USP7: variants seen among roughly 807,000 people sequenced by gnomAD.
The protein encoded by USP7 is ubiquitin C-terminal hydrolase 7.
USP7 carries 9 observed loss-of-function variants against 162.9 expected under a neutral mutation model. The ratio of observed to expected loss-of-function variants is 0.06; its 90% CI spans 0.03 to 0.10. USP7 has a LOEUF of 0.10. Ranked by LOEUF, USP7 falls within the 10% of genes least tolerant of loss-of-function variation. The probability of loss-of-function intolerance (pLI) is 1.00; values close to 1 mark genes in which losing one functional copy is unlikely to be tolerated. For synonymous variants in USP7, 562 were observed against 475.9 expected (o/e 1.18, Z -2.35); for missense variants, 715 against 1,373.7 (o/e 0.52, Z 7.58).
At chr16:8,915,423 T>C in intron 9 of USP7, 22 bp downstream of exon 9, 1 of 1,613,768 alleles carries the variant, frequency 6.2e-7, no homozygotes, top group South Asian at 1.1e-5. Flanking sequence ...AAAATCATCT[T>C]TTAGAACTGG....
At chr16:8,908,615 G>T (rs2061896239) in intron 11 of USP7, among the ~76,000 whole-genome samples, 165 bp from the exon 12 acceptor site, 2 of 152,166 alleles carry the variant, frequency 1.3e-5, no homozygotes, top group African/African-American at 4.8e-5. Flanking sequence ...GTTTTCTTTA[G>T]GTCTGTTTAT....
At chr16:8,958,641 A>G (rs1008283766) in intron 1 of USP7, among the ~76,000 whole-genome samples, 1 of 152,050 alleles carries the variant, frequency 6.6e-6, no homozygotes, top group African/African-American at 2.4e-5. Context: ...CCGACTCCCA[A>G]CGTCTGGACA....
intron 1 of USP7, among the ~76,000 whole-genome samples, chr16:8,930,657 C>T (rs953161259): frequency 6.6e-6 from 1 of 152,140 alleles, no homozygotes; most frequent in Non-Finnish European, 1.5e-5. Flanking sequence ...ATATTCTGCA[C>T]AAAACTTTTT....
At chr16:8,895,842 T>A (rs928528038) in intron 26 of USP7, 101 bp from the exon 27 acceptor site, 2 of 257,266 alleles carry the variant, frequency 7.8e-6, no homozygotes, top group East Asian at 2.1e-4. Flanking sequence ...ACGATATGTT[T>A]TTTTTTTTTT....
In USP7 at chr16:8,893,344, C is replaced by T. The variant is rs1168429200; in HGVS notation, c.*654G>A. ...TGTTCTTGATTTAATAAAAAGACCCCCACAATGTCTGTCCGGACTGTATTC... is the reference window on the plus strand; with the variant it reads ...TGTTCTTGATTTAATAAAAAGACCCTCACAATGTCTGTCCGGACTGTATTC... On this transcript the variant is annotated 3_prime_UTR_variant, in exon 31 of 31. Transcript: ENST00000344836. 2 of 152,176 alleles carry T rather than the reference C, an allele frequency of 1.3e-5. No individual in the cohort carries two copies. Among genetic ancestry groups the T allele is most frequent in the Non-Finnish European group, 2.9e-5 (2 of 68,054 alleles). 9.4% of individuals were successfully genotyped at this position (152,176 alleles called of 1,614,324 possible). A position where few individuals can be genotyped will look rare whatever the true frequency, so the allele number is the denominator to read the frequency against.
chr16:8,931,264 C>T (rs1898318676), intron 1 of USP7, among the ~76,000 whole-genome samples: 1 of 151,880 alleles, frequency 6.6e-6, no homozygotes, highest in Admixed American at 6.6e-5. Flanking sequence ...TCTCAGCTCA[C>T]TGCTACCTCT....
chr16:8,899,087 C>G (rs1449617395), intron 23 of USP7, 34 bp downstream of exon 23: 1 of 1,609,672 alleles, frequency 6.2e-7, no homozygotes, highest in East Asian at 2.2e-5. Context: ...AGCATGCAGT[C>G]AAGACCAAGC....
At chr16:8,932,664 C>T (rs2141234766) in intron 1 of USP7, among the ~76,000 whole-genome samples, 1 of 152,138 alleles carries the variant, frequency 6.6e-6, no homozygotes, top group South Asian at 2.1e-4. Flanking sequence ...GTCTTTCATC[C>T]ACATTCATTT....
chr16:8,941,892 G>A (rs1366223541), intron 1 of USP7, among the ~76,000 whole-genome samples: 1 of 152,240 alleles, frequency 6.6e-6, no homozygotes, highest in Non-Finnish European at 1.5e-5. Flanking sequence ...TCACTAGGAA[G>A]TGGGAGGCAA....
chr16:8,936,879 C>T (rs983808058), intron 1 of USP7: 4 of 619,186 alleles, frequency 6.5e-6, no homozygotes, highest in Non-Finnish European at 8.9e-6. Flanking sequence ...CATACCAATG[C>T]CAGTTCCTTG....
At chr16:8,950,910 T>G (rs1388449795) in intron 1 of USP7, among the ~76,000 whole-genome samples, 1 of 152,160 alleles carries the variant, frequency 6.6e-6, no homozygotes, top group Admixed American at 6.5e-5. Flanking sequence ...CCTGTCTTAT[T>G]TTTCCCAAGA....
At chr16:8,962,607 G>C (rs915721930) in intron 1 of USP7, 5 of 304,872 alleles carry the variant, frequency 1.6e-5, no homozygotes, top group Non-Finnish European at 2.8e-5. Flanking sequence ...AAAAACAGGT[G>C]GATTCGGAAA....
intron 25 of USP7, chr16:8,897,302 A>C: frequency 3.7e-6 from 2 of 534,580 alleles, no homozygotes; most frequent in Non-Finnish European, 3.3e-6. Context: ...GACCAACCAA[A>C]TACTGACGGG....
At chr16:8,936,568 G>C (rs1016783851) in intron 1 of USP7, 1 of 1,532,496 alleles carries the variant, frequency 6.5e-7, no homozygotes, top group Non-Finnish European at 8.7e-7. Context: ...AGCTCAACCT[G>C]AAAACCTGAC....
intron 1 of USP7, among the ~76,000 whole-genome samples, chr16:8,952,808 T>A (rs2141263085): frequency 6.6e-6 from 1 of 151,464 alleles, no homozygotes; most frequent in African/African-American, 2.4e-5. Context: ...CATCCTGCTA[T>A]TCCACCCCTC....
At chr16:8,894,136 AC>A (rs756187298) in intron 30 of USP7, 32 bp from the exon 31 acceptor site, 9 of 1,597,118 alleles carry the variant, frequency 5.6e-6, no homozygotes, top group Non-Finnish European at 7.7e-6. Context: ...AAGTGAGGCC[AC>A]AGAGCAGCCC....
At chr16:8,938,243 G>A (rs74010330) in intron 1 of USP7, among the ~76,000 whole-genome samples, 2,787 of 151,716 alleles carry the variant, frequency 0.018, 64 homozygotes, top group East Asian at 0.076. Flanking sequence ...CTGTAGGACT[G>A]CTACTACACT....
At chr16:8,904,098 G>A (rs1567212195) in intron 15 of USP7, among the ~76,000 whole-genome samples, 1 of 152,078 alleles carries the variant, frequency 6.6e-6, no homozygotes, top group Non-Finnish European at 1.5e-5. Flanking sequence ...GGCTCTGCCC[G>A]CCACCAACAG....
intron 14 of USP7, 30 bp downstream of exon 14, chr16:8,905,157 A>C (rs2061840592): frequency 6.2e-7 from 1 of 1,606,724 alleles, no homozygotes; most frequent in South Asian, 1.1e-5. Context: ...CACCACAGTA[A>C]AGAACAGAAC....
Sources: gnomAD v4.1 joint callset for allele counts (sites outside exome capture counted in the v4.1 genomes callset) on GRCh38, gnomAD v4.1.1 for gene constraint, MANE v1.5 for transcripts, NCBI Gene and HGNC (gene_info 2026-07-23, HGNC 2026-07-21) for gene names.